The following RUNX2 variants were observed in gnomAD, a reference collection of about 807,000 sequenced individuals.
RUNX2 encodes runt-related transcription factor 2.
Under a neutral mutation model 51.7 loss-of-function variants are expected in RUNX2, and 10 were observed. The ratio of observed to expected loss-of-function variants is 0.19; its 90% CI spans 0.12 to 0.33. The LOEUF (loss-of-function observed/expected upper bound fraction) is 0.33, where lower values mean the gene tolerates loss of function less well. Ranked by LOEUF, RUNX2 falls within the 10% of genes least tolerant of loss-of-function variation. RUNX2 has a pLI of 1.00. For missense variants in RUNX2, 562 were observed against 691.3 expected (o/e 0.81, Z 2.10); for synonymous variants, 276 against 273.6 (o/e 1.01, Z -0.09).
chr6:45,343,774 G>T (rs1185141460), intron 2 of RUNX2, among the ~76,000 whole-genome samples: 1 of 152,162 alleles, frequency 6.6e-6, no homozygotes, highest in Admixed American at 6.5e-5. Flanking sequence ...TAGCTCTGAT[G>T]TAACACAGAA....
rs141007307 is a variant in RUNX2 at position 45,426,729 on chromosome 6, T to C, written c.423+3772T>C. On this transcript the variant is annotated intron_variant, in intron 3 of 8. Coordinates refer to ENST00000647337, the MANE Select transcript of RUNX2 (RefSeq NM_001024630.4). Reference sequence around the variant, plus strand: ...AGATATATAAGCTAGCACTCATAGTTAATTCTGTATATTTAATAATACCTT... The same window carrying C: ...AGATATATAAGCTAGCACTCATAGTCAATTCTGTATATTTAATAATACCTT... 1.6e-4 allele frequency among the ~76,000 whole-genome samples: 25 copies of C among 152,364 alleles called. No homozygotes were observed. In the East Asian group the frequency reaches 4.8e-3, roughly 29 times the overall value.
intron 3 of RUNX2, among the ~76,000 whole-genome samples, chr6:45,425,032 A>T (rs950048930): frequency 5.3e-5 from 8 of 152,218 alleles, no homozygotes; most frequent in South Asian, 2.1e-4. Context: ...TGTTTCCACC[A>T]ACGCCCTCCA....
chr6:45,415,869 C>T (rs569481057), intron 2 of RUNX2, among the ~76,000 whole-genome samples: 1 of 152,126 alleles, frequency 6.6e-6, no homozygotes, highest in East Asian at 1.9e-4. Flanking sequence ...AAACTGATAA[C>T]TGGCACACCT....
chr6:45,399,819 T>G (rs1472923930), intron 2 of RUNX2, among the ~76,000 whole-genome samples: 6,168 of 69,784 alleles, frequency 0.088, no homozygotes, highest in Middle Eastern at 0.14. Context: ...GGGAGGGAAG[T>G]AAGGAAGGAA....
At chr6:45,375,437 C>T (rs1272618464) in intron 2 of RUNX2, among the ~76,000 whole-genome samples, 1 of 152,162 alleles carries the variant, frequency 6.6e-6, no homozygotes, top group African/African-American at 2.4e-5. Context: ...ATAAAAGCAC[C>T]CCATTCTGAT....
chr6:45,415,043 T>G (rs563966247), intron 2 of RUNX2, among the ~76,000 whole-genome samples: 107 of 152,262 alleles, frequency 7.0e-4, no homozygotes, highest in African/African-American at 2.4e-3. Flanking sequence ...TTAATAGATG[T>G]GATATGGTGT....
chr6:45,455,607 G>A (rs116164607), intron 5 of RUNX2, among the ~76,000 whole-genome samples: 328 of 152,244 alleles, frequency 2.2e-3, no homozygotes, highest in Non-Finnish European at 3.5e-3. Context: ...ATTAGCACCC[G>A]TAAAGGTCCA....
chr6:45,443,036 C>CTTTTTTT (rs10564853), intron 5 of RUNX2, among the ~76,000 whole-genome samples: 1 of 52,170 alleles, frequency 1.9e-5, no homozygotes, highest in Non-Finnish European at 3.1e-5. Flanking sequence ...TCAGGCCTTG[C>CTTTTTTT]TTTTTTTTTT....
At chr6:45,537,081 G>A (rs1378109491) in intron 7 of RUNX2, among the ~76,000 whole-genome samples, 1 of 152,166 alleles carries the variant, frequency 6.6e-6, no homozygotes, top group East Asian at 1.9e-4. Context: ...GCTGTGTACT[G>A]TTACCAATTC....
At chr6:45,458,563 G>A (rs941366310) in intron 5 of RUNX2, among the ~76,000 whole-genome samples, 2 of 152,098 alleles carry the variant, frequency 1.3e-5, no homozygotes, top group African/African-American at 4.8e-5. Flanking sequence ...ATCTCCTTCA[G>A]TTTCTAATCC....
chr6:45,532,520 A>T (rs1479512096), intron 7 of RUNX2, among the ~76,000 whole-genome samples: 2 of 151,958 alleles, frequency 1.3e-5, no homozygotes, highest in Non-Finnish European at 2.9e-5. Context: ...GAATTATTTT[A>T]TCCTGCTACT....
At chr6:45,510,738 T>G (rs1463364920) in intron 6 of RUNX2, among the ~76,000 whole-genome samples, 7 of 141,096 alleles carry the variant, frequency 5.0e-5, no homozygotes, top group South Asian at 2.2e-4. Context: ...TCACCCAGAG[T>G]TTTTTTTTTA....
At chr6:45,515,276 GCT>G (rs1157282413) in intron 7 of RUNX2, among the ~76,000 whole-genome samples, 2 of 152,114 alleles carry the variant, frequency 1.3e-5, no homozygotes, top group Non-Finnish European at 2.9e-5. Context: ...TTTTATCCCA[GCT>G]CATACATATA....
chr6:45,417,302 A>C (rs898023971), intron 2 of RUNX2, among the ~76,000 whole-genome samples: 3 of 151,554 alleles, frequency 2.0e-5, no homozygotes, highest in Non-Finnish European at 4.4e-5. Context: ...TCATCTATGC[A>C]GTTAATGTGT....
In RUNX2 at chr6:45,547,119, G is replaced by C. The variant is rs756718952; in HGVS notation, c.1380G>C (p.Pro460=). 8.1e-6 allele frequency: 13 copies of C among 1,613,906 alleles called. No individual in the cohort carries two copies. The highest frequency in any genetic ancestry group is 1.3e-5 in the African/African-American group (1 of 74,858). Residue 460 remains proline (P), a synonymous_variant, in exon 9 of 9, where the codon CCG becomes CCC. Transcript: ENST00000647337. The stretch of plus-strand genomic sequence containing the variant: ...GATCCTATCAGTTTCCCATGGTGCC[G>C]GGGGGAGACCGGTCTCCTTCCAGAA... ...SSGSYQFPMV[P]GGDRSPSRML...
At chr6:45,452,452 A>G (rs565138446) in intron 5 of RUNX2, among the ~76,000 whole-genome samples, 1 of 152,338 alleles carries the variant, frequency 6.6e-6, no homozygotes, top group African/African-American at 2.4e-5. Context: ...GGAAAGAAAG[A>G]GCCCTGTTTT....
At chr6:45,513,730 A>G (rs754205458) in intron 7 of RUNX2, 7 of 151,878 alleles carry the variant, frequency 4.6e-5, no homozygotes, top group Non-Finnish European at 1.0e-4. Context: ...TTTCATTATG[A>G]CTCCTGTTAT....
At chr6:45,511,908 A>G (rs926047113) in intron 6 of RUNX2, among the ~76,000 whole-genome samples, 1 of 152,224 alleles carries the variant, frequency 6.6e-6, no homozygotes, top group Non-Finnish European at 1.5e-5. Context: ...AAATAAATAT[A>G]ATTCCACTTT....
rs545661101 is a variant in RUNX2, at chr6:45,375,876, C to T, written c.59-46717C>T. 5.3e-5 allele frequency among the ~76,000 whole-genome samples: 8 copies of T among 149,786 alleles called. No individual in the cohort carries two copies. The East Asian group carries it at 1.4e-3, about 26-fold the overall frequency. The stretch of plus-strand genomic sequence containing the variant: ...TTTCAAGTAAAGTAATTTTGTGAAA[C>T]ATCTATTACCTAATTTCACTTATCT... On this transcript the variant is annotated intron_variant, in intron 2 of 8. Transcript: ENST00000647337.
Sources: gnomAD v4.1 joint callset for allele counts (sites outside exome capture counted in the v4.1 genomes callset) on GRCh38, gnomAD v4.1.1 for gene constraint, MANE v1.5 for transcripts, NCBI Gene and HGNC (gene_info 2026-07-23, HGNC 2026-07-21) for gene names.